The following TENM2 variants were observed in gnomAD, a reference collection of about 807,000 sequenced individuals.
The protein encoded by TENM2 is teneurin transmembrane protein 2.
Under a neutral mutation model 245.2 loss-of-function variants are expected in TENM2, and 52 were observed. The ratio of observed to expected loss-of-function variants is 0.21; its 90% CI spans 0.17 to 0.27. The LOEUF is 0.27. Ranked by LOEUF, TENM2 falls within the 10% of genes least tolerant of loss-of-function variation. The probability of loss-of-function intolerance (pLI) is 1.00; values close to 1 mark genes in which losing one functional copy is unlikely to be tolerated. For missense variants in TENM2, 3,046 were observed against 3,666.8 expected, an observed-to-expected ratio of 0.83 and a Z score of 4.37; for synonymous variants, 1,363 against 1,438.9, an observed-to-expected ratio of 0.95 and a Z score of 1.19.
intron 2 of TENM2, among the ~76,000 whole-genome samples, chr5:167,599,068 C>G (rs539827249): frequency 6.6e-6 from 1 of 152,110 alleles, no homozygotes; most frequent in Non-Finnish European, 1.5e-5. Context: ...TGGAAGCAGA[C>G]ATTAAAAGGC....
rs1368336955 is a variant in TENM2 at position 168,001,572 on chromosome 5, A to G, written c.1186+8390A>G. On this transcript the variant is annotated intron_variant, in intron 5 of 28. Coordinates refer to ENST00000518659, the Ensembl canonical transcript of TENM2. ...GGTCTCTGTACACAACCCACACAGAATCTTTTGTGCTCTGAAATGCCTTGC... is the reference window on the plus strand; with the variant it reads ...GGTCTCTGTACACAACCCACACAGAGTCTTTTGTGCTCTGAAATGCCTTGC... Among the ~76,000 whole-genome samples the G allele has an allele frequency of 6.6e-5, 10 of 152,366 alleles. No individual in the cohort carries two copies. The South Asian group carries it at 1.5e-3, about 22-fold the overall frequency.
chr5:167,906,226 A>G (rs907950075), intron 3 of TENM2, among the ~76,000 whole-genome samples: 43 of 152,230 alleles, frequency 2.8e-4, no homozygotes, highest in Non-Finnish European at 3.1e-4. Flanking sequence ...ATTGCACATT[A>G]CACAGTTCAG....
intron 2 of TENM2, among the ~76,000 whole-genome samples, chr5:167,801,109 AATATATATATATAT>A (rs869282464): frequency 0.011 from 701 of 66,508 alleles, 15 homozygotes; most frequent in African/African-American, 0.029. Context: ...AAAAAAAAAA[AATATATATATATAT>A]ATATATATAT....
At chr5:167,494,786 T>C (rs1272864705) in intron 2 of TENM2, among the ~76,000 whole-genome samples, 1 of 152,120 alleles carries the variant, frequency 6.6e-6, no homozygotes, top group Non-Finnish European at 1.5e-5. Context: ...TCTACCTTAG[T>C]CTGTTATGAG....
At chr5:167,329,501 G>A (rs1376903729) in intron 1 of TENM2, among the ~76,000 whole-genome samples, 5 of 128,022 alleles carry the variant, frequency 3.9e-5, no homozygotes, top group East Asian at 2.3e-4. Context: ...GCAGTGAGCC[G>A]CGATCATGCC....
the TENM2 span, among the ~76,000 whole-genome samples, chr5:167,120,774 G>GT: frequency 6.6e-6 from 1 of 152,232 alleles, no homozygotes; most frequent in Non-Finnish European, 1.5e-5. Context: ...AAGCAGAAAA[G>GT]TTTTTATCTT....
chr5:167,749,522 C>G (rs1031917723), intron 2 of TENM2, among the ~76,000 whole-genome samples: 1 of 151,926 alleles, frequency 6.6e-6, no homozygotes, highest in Non-Finnish European at 1.5e-5. Flanking sequence ...CCTATAATCC[C>G]AGCTACTCAG....
At chr5:167,940,544 A>G (rs576650522) in intron 3 of TENM2, among the ~76,000 whole-genome samples, 4 of 152,356 alleles carry the variant, frequency 2.6e-5, no homozygotes, top group Admixed American at 2.0e-4. Flanking sequence ...CATGGAAAGA[A>G]TGAACTACTC....
At chr5:168,057,856 G>T (rs1041744112) in intron 6 of TENM2, among the ~76,000 whole-genome samples, 1 of 152,012 alleles carries the variant, frequency 6.6e-6, no homozygotes, top group African/African-American at 2.4e-5. Flanking sequence ...GAGGGGAGTC[G>T]GTGGGAGAGT....
At chr5:167,409,016 G>T (rs1222791081) in intron 2 of TENM2, among the ~76,000 whole-genome samples, 4 of 150,858 alleles carry the variant, frequency 2.7e-5, no homozygotes, top group Non-Finnish European at 5.9e-5. Flanking sequence ...ATTTTTTAGG[G>T]TATTATCATT....
intron 7 of TENM2, among the ~76,000 whole-genome samples, chr5:168,079,411 A>G (rs1791777606): frequency 6.6e-6 from 1 of 152,170 alleles, no homozygotes; most frequent in Non-Finnish European, 1.5e-5. Flanking sequence ...TCCTAATTGA[A>G]TGCCCTTTAT....
the TENM2 span, among the ~76,000 whole-genome samples, chr5:167,257,681 A>G: frequency 1.3e-5 from 2 of 152,230 alleles, no homozygotes; most frequent in South Asian, 4.1e-4. Context: ...CAAAGTGAAT[A>G]AAAAATGGTT....
chr5:166,985,509 G>A, the TENM2 span, among the ~76,000 whole-genome samples: 36 of 152,196 alleles, frequency 2.4e-4, no homozygotes, highest in East Asian at 6.6e-3. Context: ...ATTTCACAGT[G>A]GTTAGGGCTC....
intron 13 of TENM2, among the ~76,000 whole-genome samples, chr5:168,182,916 C>T (rs978478535): frequency 6.0e-5 from 9 of 151,124 alleles, no homozygotes; most frequent in African/African-American, 1.5e-4. Context: ...CTGCAACCTC[C>T]GCCTCCCGCG....
the TENM2 span, among the ~76,000 whole-genome samples, chr5:167,064,018 C>T: frequency 2.0e-5 from 3 of 152,128 alleles, no homozygotes; most frequent in Admixed American, 6.5e-5. Flanking sequence ...TGGGAGTCTG[C>T]GTGATGACTC....
At position 168,083,436 on chromosome 5, in the gene TENM2, T is replaced by G. The variant is rs530820255; in HGVS notation, c.1516-7138T>G. On this transcript the variant is annotated intron_variant, in intron 7 of 28. Transcript: ENST00000518659. ...ATGCCCACCCTGCTTTGGCGTACAC[T>G]CTGTGGGCTGCACCCACTGTCTGAC... is the stretch of plus-strand genomic sequence containing the variant. 3.3e-5 allele frequency among the ~76,000 whole-genome samples: 5 copies of G among 152,278 alleles called. No homozygotes were observed. In the Middle Eastern group the frequency reaches 0.01, roughly 311 times the overall value.
intron 2 of TENM2, among the ~76,000 whole-genome samples, chr5:167,572,786 A>G (rs963475763): frequency 1.3e-5 from 2 of 152,220 alleles, no homozygotes; most frequent in African/African-American, 4.8e-5. Flanking sequence ...CTTCTTTAAA[A>G]TGGTACAGGA....
intron 2 of TENM2, among the ~76,000 whole-genome samples, chr5:167,405,609 T>A (rs746073834): frequency 1.3e-5 from 2 of 151,986 alleles, no homozygotes; most frequent in Non-Finnish European, 2.9e-5. Context: ...TTCAGAGACA[T>A]CTCTTCGTAT....
rs1039545524 is a variant in TENM2 at position 167,769,963 on chromosome 5, A to G, written c.503-106023A>G. Reference sequence around the variant, plus strand: ...TGTTGTTCACTAAATTCACAATTGTATGGCTAGAATGTTCACATGGGAAAT... The same window carrying G: ...TGTTGTTCACTAAATTCACAATTGTGTGGCTAGAATGTTCACATGGGAAAT... On this transcript the variant is annotated intron_variant, in intron 2 of 28. Coordinates refer to ENST00000518659, the Ensembl canonical transcript of TENM2. Among the ~76,000 whole-genome samples the G allele has an allele frequency of 4.6e-5, 7 of 152,276 alleles. No individual in the cohort carries two copies. The Middle Eastern group carries it at 0.01, about 222-fold the overall frequency.
Sources: gnomAD v4.1 joint callset for allele counts (sites outside exome capture counted in the v4.1 genomes callset) on GRCh38, gnomAD v4.1.1 for gene constraint, MANE v1.5 for transcripts, NCBI Gene and HGNC (gene_info 2026-07-23, HGNC 2026-07-21) for gene names.